The following RABGAP1L variants were observed in gnomAD, a reference collection of about 807,000 sequenced individuals.
RABGAP1L encodes RAB GTPase activating protein 1 like.
In RABGAP1L, 63 loss-of-function variants were observed where a neutral mutation model predicts 137.7. That is an observed-to-expected ratio of 0.46 (90% CI 0.37 to 0.56). The LOEUF (loss-of-function observed/expected upper bound fraction) is 0.56. Among genes scored for constraint, RABGAP1L ranks in the 20% least tolerant of loss-of-function variants. The pLI is 0.00. For missense variants in RABGAP1L, 1,095 were observed against 1,244.0 expected (o/e 0.88, Z 1.80); for synonymous variants, 431 against 433.7 (o/e 0.99, Z 0.08).
chr1:174,160,412 T>A (rs1322963714), intron 1 of RABGAP1L, among the ~76,000 whole-genome samples: 1 of 152,208 alleles, frequency 6.6e-6, no homozygotes, highest in Non-Finnish European at 1.5e-5. Flanking sequence ...GGCCACCGGC[T>A]AGCGGGAGGT....
chr1:174,586,671 C>A (rs1572409197), intron 13 of RABGAP1L, among the ~76,000 whole-genome samples: 1 of 152,168 alleles, frequency 6.6e-6, no homozygotes, highest in East Asian at 1.9e-4. Context: ...GATCTTGGCT[C>A]ACTGCAACCT....
At chr1:174,178,417 A>G (rs2148276411) in intron 1 of RABGAP1L, among the ~76,000 whole-genome samples, 1 of 152,326 alleles carries the variant, frequency 6.6e-6, no homozygotes, top group African/African-American at 2.4e-5. Context: ...TGTGGAAGAC[A>G]GTGTGTCAAT....
At chr1:174,516,166 C>CACACACACACACAT (rs1553319718) in intron 13 of RABGAP1L, among the ~76,000 whole-genome samples, 28 of 149,864 alleles carry the variant, frequency 1.9e-4, no homozygotes, top group African/African-American at 5.5e-4. Context: ...CACACACACA[C>CACACACACACACAT]GCTTTGAGAT....
intron 11 of RABGAP1L, among the ~76,000 whole-genome samples, chr1:174,313,375 G>C (rs1412556159): frequency 6.6e-6 from 1 of 152,184 alleles, no homozygotes; most frequent in East Asian, 1.9e-4. Context: ...GGAGCCTTTA[G>C]GGTTTTCCAA....
chr1:174,864,511 G>A (rs1650866282), intron 19 of RABGAP1L, among the ~76,000 whole-genome samples: 1 of 152,142 alleles, frequency 6.6e-6, no homozygotes, highest in Non-Finnish European at 1.5e-5. Context: ...TTCACATGGT[G>A]GCAGGAAGGA....
At chr1:174,296,750 A>G (rs1223661889) in intron 10 of RABGAP1L, among the ~76,000 whole-genome samples, 1 of 152,172 alleles carries the variant, frequency 6.6e-6, no homozygotes, top group African/African-American at 2.4e-5. Flanking sequence ...CATATTGGAA[A>G]TACTCATAAC....
chr1:174,843,643 T>A (rs1215457809), intron 19 of RABGAP1L, among the ~76,000 whole-genome samples: 2 of 84,032 alleles, frequency 2.4e-5, no homozygotes, highest in Non-Finnish European at 4.6e-5. Context: ...GACATTTGGG[T>A]TGGTTCCAAG....
At position 174,309,633 on chromosome 1, in the gene RABGAP1L, C is replaced by T. The variant is rs562964425; in HGVS notation, c.1465+4506C>T. Among the ~76,000 whole-genome samples the T allele has an allele frequency of 2.0e-5, 3 of 152,202 alleles. No individual in the cohort carries two copies. The East Asian group carries it at 5.8e-4, about 29-fold the overall frequency. On this transcript the variant is annotated intron_variant, in intron 11 of 25. Coordinates refer to ENST00000681986, the MANE Select transcript of RABGAP1L (RefSeq NM_001366446.1). ...TATCATGTGATTTTTATCCTTCATT[C>T]TGTTCATGTGATGCATTACATTTAC...
At chr1:174,612,333 G>T (rs1481284334) in intron 13 of RABGAP1L, among the ~76,000 whole-genome samples, 2 of 152,072 alleles carry the variant, frequency 1.3e-5, no homozygotes, top group Non-Finnish European at 2.9e-5. Flanking sequence ...TTTATCTTTG[G>T]TTCTGTTTAT....
chr1:174,241,319 C>CAAACA (rs143230337), intron 4 of RABGAP1L, among the ~76,000 whole-genome samples, 164 bp from the exon 5 acceptor site: 9,496 of 150,668 alleles, frequency 0.063, 972 homozygotes, highest in African/African-American at 0.22. Flanking sequence ...AACTCTGTTT[C>CAAACA]AAACAAAACA....
chr1:174,462,210 G>A lies in RABGAP1L; in HGVS notation c.1710+68065G>A, dbSNP rs995955202. Among the ~76,000 whole-genome samples, 14 of 152,262 alleles carry A rather than the reference G, an allele frequency of 9.2e-5. 1 individual carries two copies. The highest frequency in any genetic ancestry group is 2.6e-4 in the Admixed American group (4 of 15,282). ...GATATGACTAGTAACAGATGAGAGC[G>A]AGACTATCATTTTCCCTTGGTTTAT... On this transcript the variant is annotated intron_variant, in intron 13 of 25. Coordinates refer to ENST00000681986, the MANE Select transcript of RABGAP1L (RefSeq NM_001366446.1).
intron 17 of RABGAP1L, among the ~76,000 whole-genome samples, chr1:174,702,787 G>A (rs115318739): frequency 0.021 from 3,217 of 151,990 alleles, 54 homozygotes; most frequent in Middle Eastern, 0.085. Flanking sequence ...AAATTAGTTT[G>A]TAAAATTTCT....
At chr1:174,556,799 C>A (rs1363726401) in intron 13 of RABGAP1L, among the ~76,000 whole-genome samples, 2 of 152,138 alleles carry the variant, frequency 1.3e-5, no homozygotes, top group African/African-American at 4.8e-5. Flanking sequence ...CTTATGGGAA[C>A]ATTATTGGTG....
At position 174,394,097 on chromosome 1, in the gene RABGAP1L, C is replaced by T. The variant is rs1384745539; in HGVS notation, c.1662C>T (p.Cys554=). 3 of 1,613,630 alleles carry T rather than the reference C, an allele frequency of 1.9e-6. No homozygotes were observed. Among genetic ancestry groups the T allele is most frequent in the Non-Finnish European group, 2.5e-6 (3 of 1,179,788 alleles). The change falls in exon 13 of 26, where the codon TGC becomes TGT. Residue 554 remains cysteine, a synonymous_variant. Transcript: ENST00000681986. ...RAEVWQLLAG[C]HDNQAMLDRY... is the part of the protein sequence containing the mutation. ...AGGTATGGCAGTTATTGGCAGGCTG[C>T]CATGACAACCAGGCAATGCTGGATA... is the stretch of plus-strand genomic sequence containing the variant.
rs1558256161 is a variant in RABGAP1L at position 174,938,246 on chromosome 1, T to C, written c.2341-19211T>C. Among the ~76,000 whole-genome samples the C allele has an allele frequency of 2.0e-5, 3 of 152,248 alleles. No homozygotes were observed. In the South Asian group the frequency reaches 6.2e-4, roughly 31 times the overall value. On this transcript the variant is annotated intron_variant, in intron 19 of 25. Transcript: ENST00000681986. ...ACTGTATGTCTGTAGATTTCTCTGC[T>C]AAGGCTTATGTCTAGATTTTACCAC...
intron 13 of RABGAP1L, among the ~76,000 whole-genome samples, chr1:174,622,575 A>G (rs1292993026): frequency 6.6e-6 from 1 of 152,186 alleles, no homozygotes; most frequent in Non-Finnish European, 1.5e-5. Flanking sequence ...GAAGTTGGAA[A>G]CCATCATTCT....
At chr1:174,525,539 G>A (rs139728596) in intron 13 of RABGAP1L, among the ~76,000 whole-genome samples, 3 of 152,040 alleles carry the variant, frequency 2.0e-5, no homozygotes, top group African/African-American at 7.2e-5. Flanking sequence ...GAGATTTTTT[G>A]TTGGACTCTT....
At chr1:174,307,055 A>G (rs995626756) in intron 11 of RABGAP1L, among the ~76,000 whole-genome samples, 12 of 152,002 alleles carry the variant, frequency 7.9e-5, no homozygotes, top group Non-Finnish European at 1.2e-4. Context: ...AAGTATTTCA[A>G]ATATGTTAAC....
intron 19 of RABGAP1L, among the ~76,000 whole-genome samples, chr1:174,926,309 C>G (rs919984848): frequency 2.0e-5 from 3 of 152,080 alleles, no homozygotes; most frequent in Non-Finnish European, 2.9e-5. Flanking sequence ...TGTCAAGGCT[C>G]ATATTTTAAA....
Sources: allele counts gnomAD v4.1 joint callset (sites outside exome capture counted in the v4.1 genomes callset), GRCh38; gene constraint gnomAD v4.1.1; transcripts MANE v1.5; gene names NCBI Gene and HGNC (gene_info 2026-07-23, HGNC 2026-07-21).